The following OXR1 variants were observed in gnomAD, a reference collection of about 807,000 sequenced individuals.
OXR1 encodes oxidation resistance 1.
Under a neutral mutation model 104.6 loss-of-function variants are expected in OXR1, and 41 were observed. The ratio of observed to expected loss-of-function variants is 0.39; its 90% CI spans 0.31 to 0.51. OXR1 has a LOEUF of 0.51. OXR1 is among the 20% of genes least tolerant of loss of function. The pLI, the probability that OXR1 is intolerant of heterozygous loss-of-function variation, is 0.77. For synonymous variants in OXR1, 348 were observed against 348.4 expected (o/e 1.00, Z 0.01); for missense variants, 955 against 1,031.9 (o/e 0.93, Z 1.02).
At chr8:106,739,341 G>A (rs1834709070) in intron 12 of OXR1, 117 bp from the exon 13 acceptor site, 2 of 886,276 alleles carry the variant, frequency 2.3e-6, no homozygotes, top group Non-Finnish European at 3.5e-6. Context: ...AAATCTTAAG[G>A]TTAAAGATTT....
At chr8:106,346,826 T>A (rs981939507) in intron 1 of OXR1, among the ~76,000 whole-genome samples, 2 of 152,066 alleles carry the variant, frequency 1.3e-5, no homozygotes, top group Middle Eastern at 3.4e-3. Context: ...GATCACGGGG[T>A]CAAGAGATAG....
In OXR1 at chr8:106,313,394, A is replaced by G. The variant is rs578206919; in HGVS notation, c.-139+43027A>G. Among the ~76,000 whole-genome samples the G allele has an allele frequency of 1.2e-4, 19 of 152,268 alleles. No homozygotes were observed. The South Asian group carries it at 2.9e-3, about 23-fold the overall frequency. On this transcript the variant is annotated intron_variant, in intron 1 of 16. Transcript: ENST00000517566. ...AACCAATATAATTAGGGTACAGCAT[A>G]TTCTGTCCTGTAGTAGATTTTAGAA...
intron 1 of OXR1, among the ~76,000 whole-genome samples, chr8:106,330,950 C>T (rs1263702184): frequency 6.6e-6 from 1 of 152,056 alleles, no homozygotes; most frequent in African/African-American, 2.4e-5. Context: ...TAAAAGTGAC[C>T]CCCCAAAAAT....
At chr8:106,327,467 C>T (rs1352339923) in intron 1 of OXR1, among the ~76,000 whole-genome samples, 1 of 152,106 alleles carries the variant, frequency 6.6e-6, no homozygotes, top group African/African-American at 2.4e-5. Context: ...CAGACACCAG[C>T]ACAAAAATAG....
intron 6 of OXR1, among the ~76,000 whole-genome samples, chr8:106,690,296 A>C (rs546272443): frequency 3.3e-5 from 5 of 151,002 alleles, no homozygotes; most frequent in Non-Finnish European, 1.5e-5. Flanking sequence ...TATATACTAC[A>C]TTCATATTAT....
rs144465774 is a variant in OXR1 at position 106,577,659 on chromosome 8, G to A, written c.220+58520G>A. On this transcript the variant is annotated intron_variant, in intron 3 of 16. Coordinates refer to ENST00000517566, the MANE Select transcript of OXR1 (RefSeq NM_001198533.2). ...CCTTCCTCGGCTTCCCAAAGTGCTG[G>A]GATTTCAGGCGTGAGCTACTGCGCC... is the stretch of plus-strand genomic sequence containing the variant. 5.0e-3 allele frequency among the ~76,000 whole-genome samples: 762 copies of A among 152,102 alleles called. 5 individuals carry two copies. The highest frequency in any genetic ancestry group is 0.017 in the African/African-American group (709 of 41,510).
intron 2 of OXR1, among the ~76,000 whole-genome samples, chr8:106,487,837 G>A (rs1005500643): frequency 6.6e-6 from 1 of 151,680 alleles, no homozygotes; most frequent in African/African-American, 2.4e-5. Context: ...GGACATTTGG[G>A]TTGGTTCCAA....
chr8:106,477,130 C>G (rs546892295), intron 2 of OXR1, among the ~76,000 whole-genome samples: 1 of 152,112 alleles, frequency 6.6e-6, no homozygotes, highest in East Asian at 1.9e-4. Flanking sequence ...TTCTCTGCTT[C>G]TTGGGAGCAC....
At chr8:106,495,386 A>G (rs1343045514) in intron 2 of OXR1, among the ~76,000 whole-genome samples, 1 of 152,134 alleles carries the variant, frequency 6.6e-6, no homozygotes, top group Non-Finnish European at 1.5e-5. Flanking sequence ...AGAGAAAAGG[A>G]GAAGAGGGTA....
At chr8:106,394,473 C>T (rs1472662145) in intron 2 of OXR1, among the ~76,000 whole-genome samples, 1 of 152,028 alleles carries the variant, frequency 6.6e-6, no homozygotes, top group African/African-American at 2.4e-5. Context: ...CTATAAATAT[C>T]ATTGTGCATT....
intron 3 of OXR1, among the ~76,000 whole-genome samples, chr8:106,536,062 T>C (rs890257787): frequency 6.6e-6 from 1 of 151,494 alleles, no homozygotes; most frequent in African/African-American, 2.4e-5. Flanking sequence ...CTACTAAAAA[T>C]ACAAAAAATT....
intron 2 of OXR1, among the ~76,000 whole-genome samples, chr8:106,438,569 C>T (rs1395989930): frequency 3.3e-5 from 5 of 152,018 alleles, no homozygotes; most frequent in Non-Finnish European, 2.9e-5. Flanking sequence ...CACTGGGTTT[C>T]CTGCTTTGGA....
chr8:106,360,867 A>G (rs372783113), intron 2 of OXR1, among the ~76,000 whole-genome samples: 172 of 152,314 alleles, frequency 1.1e-3, no homozygotes, highest in South Asian at 7.0e-3. Flanking sequence ...GAATTCTCAA[A>G]AAGCAGGGAG....
intron 1 of OXR1, among the ~76,000 whole-genome samples, chr8:106,322,127 T>G (rs908150794): frequency 9.2e-5 from 14 of 152,132 alleles, no homozygotes; most frequent in African/African-American, 3.4e-4. Context: ...TATAACACTT[T>G]AGTTGAAAAG....
chr8:106,481,619 A>G (rs1346364683), intron 2 of OXR1, among the ~76,000 whole-genome samples: 1 of 151,994 alleles, frequency 6.6e-6, no homozygotes, highest in East Asian at 1.9e-4. Flanking sequence ...AATTGGGGAG[A>G]GCTTGCACTC....
chr8:106,557,261 T>C (rs907183414), intron 3 of OXR1, among the ~76,000 whole-genome samples: 33 of 152,204 alleles, frequency 2.2e-4, no homozygotes, highest in Non-Finnish European at 1.3e-4. Flanking sequence ...CTTAAAACCA[T>C]TTTCATTTCT....
At chr8:106,426,283 G>T (rs1426793930) in intron 2 of OXR1, among the ~76,000 whole-genome samples, 1 of 152,006 alleles carries the variant, frequency 6.6e-6, no homozygotes, top group Non-Finnish European at 1.5e-5. Flanking sequence ...ATTGATACCT[G>T]CCTCTAAAGG....
intron 1 of OXR1, among the ~76,000 whole-genome samples, chr8:106,303,782 G>T (rs936414066): frequency 6.6e-6 from 1 of 152,012 alleles, no homozygotes; most frequent in Non-Finnish European, 1.5e-5. Flanking sequence ...ATACCCTTCA[G>T]GTAAGTATAT....
rs139227517 is a variant in OXR1 at position 106,466,667 on chromosome 8, C to T, written c.24-52276C>T. 1.2e-3 allele frequency among the ~76,000 whole-genome samples: 178 copies of T among 151,866 alleles called. 1 individual carries two copies. The highest frequency in any genetic ancestry group is 4.0e-3 in the African/African-American group (166 of 41,466). On this transcript the variant is annotated intron_variant, in intron 2 of 16. Transcript: ENST00000517566. The stretch of plus-strand genomic sequence containing the variant: ...AGAAATAGAATAATGATGAAAGGCT[C>T]AAGGCCTGCCACTAAGAAAATCTAC...
Sources: gnomAD v4.1 joint callset for allele counts (sites outside exome capture counted in the v4.1 genomes callset) on GRCh38, gnomAD v4.1.1 for gene constraint, MANE v1.5 for transcripts, NCBI Gene and HGNC (gene_info 2026-07-23, HGNC 2026-07-21) for gene names.